Variants in SGCZ observed in about 807,000 individuals in gnomAD.
SGCZ encodes zeta-sarcoglycan.
In SGCZ, 40 loss-of-function variants were observed where a neutral mutation model predicts 41.3. That is an observed-to-expected ratio of 0.97 (90% CI 0.75 to 1.26). The LOEUF (loss-of-function observed/expected upper bound fraction) is 1.26. SGCZ is among the 50% of genes most tolerant of loss of function. The pLI, the probability that SGCZ is intolerant of heterozygous loss-of-function variation, is 0.00. For synonymous variants in SGCZ, 206 were observed against 137.5 expected (o/e 1.50, Z -3.49); for missense variants, 552 against 369.8 (o/e 1.49, Z -4.04).
At chr8:15,189,196 G>A (rs1800448736) in intron 1 of SGCZ, among the ~76,000 whole-genome samples, 1 of 152,086 alleles carries the variant, frequency 6.6e-6, no homozygotes, top group South Asian at 2.1e-4. Flanking sequence ...GGATGTTCCA[G>A]GTCACATTTT....
At chr8:15,077,581 T>G (rs1805583857) in intron 1 of SGCZ, among the ~76,000 whole-genome samples, 1 of 152,214 alleles carries the variant, frequency 6.6e-6, no homozygotes, top group African/African-American at 2.4e-5. Context: ...TCATTTCCAT[T>G]ATAACTTTAA....
chr8:14,993,940 G>A (rs1164467113), intron 1 of SGCZ, among the ~76,000 whole-genome samples: 1 of 152,174 alleles, frequency 6.6e-6, no homozygotes, highest in East Asian at 1.9e-4. Context: ...GCTGTGCTGG[G>A]GCCAGACTGT....
chr8:14,570,205 T>C (rs904600712), intron 1 of SGCZ, among the ~76,000 whole-genome samples: 4 of 152,146 alleles, frequency 2.6e-5, no homozygotes, highest in Admixed American at 2.0e-4. Context: ...TCAATAATAC[T>C]TACTGAATAA....
intron 1 of SGCZ, among the ~76,000 whole-genome samples, chr8:14,792,553 T>A (rs190836573): frequency 6.6e-6 from 1 of 152,032 alleles, no homozygotes; most frequent in Non-Finnish European, 1.5e-5. Context: ...TTAGCATCTT[T>A]CTTTTTTTAT....
chr8:14,370,995 A>G (rs551540664), intron 2 of SGCZ, among the ~76,000 whole-genome samples: 6 of 152,158 alleles, frequency 3.9e-5, no homozygotes, highest in African/African-American at 1.4e-4. Context: ...TTATAAATGA[A>G]ACACACAAAT....
intron 1 of SGCZ, among the ~76,000 whole-genome samples, chr8:14,956,280 C>T (rs1053409456): frequency 6.6e-5 from 10 of 151,894 alleles, no homozygotes; most frequent in South Asian, 2.1e-4. Flanking sequence ...CCTCGTGATC[C>T]GCCTGCTTCA....
intron 1 of SGCZ, among the ~76,000 whole-genome samples, chr8:14,836,162 T>A (rs566008230): frequency 1.5e-4 from 22 of 151,650 alleles, no homozygotes; most frequent in Non-Finnish European, 2.4e-4. Context: ...CTGACAGACC[T>A]TTTAATCTCA....
intron 2 of SGCZ, among the ~76,000 whole-genome samples, chr8:14,542,093 CTGA>C (rs1315637078): frequency 6.6e-6 from 1 of 152,060 alleles, no homozygotes. Context: ...CCTGTTCACT[CTGA>C]TGATATTTTC....
chr8:14,551,590 A>T (rs867470166), intron 2 of SGCZ, among the ~76,000 whole-genome samples: 6 of 32,902 alleles, frequency 1.8e-4, no homozygotes, highest in African/African-American at 1.8e-4. Context: ...AATATATATA[A>T]TATATATTAT....
chr8:14,204,959 G>T (rs1303294474), intron 4 of SGCZ, among the ~76,000 whole-genome samples: 1 of 151,900 alleles, frequency 6.6e-6, no homozygotes, highest in Admixed American at 6.6e-5. Flanking sequence ...TCCCATAATG[G>T]GACTTCTCAG....
At chr8:14,235,536 A>G (rs1806724548) in intron 4 of SGCZ, among the ~76,000 whole-genome samples, 1 of 152,178 alleles carries the variant, frequency 6.6e-6, no homozygotes, top group Admixed American at 6.5e-5. Flanking sequence ...ATACTAGCAC[A>G]CTAAATTCTT....
chr8:14,104,579 A>AAAAGG (rs1266531898), intron 6 of SGCZ, among the ~76,000 whole-genome samples: 2 of 152,084 alleles, frequency 1.3e-5, no homozygotes, highest in Non-Finnish European at 2.9e-5. Context: ...AAAGAGAGGG[A>AAAAGG]AAAGGAAAGG....
At chr8:15,025,454 T>A (rs1247540240) in intron 1 of SGCZ, among the ~76,000 whole-genome samples, 1 of 152,210 alleles carries the variant, frequency 6.6e-6, no homozygotes, top group African/African-American at 2.4e-5. Flanking sequence ...CTCAGGCAGA[T>A]TTTTCTTTTG....
At chr8:15,153,381 A>G (rs1343765361) in intron 1 of SGCZ, among the ~76,000 whole-genome samples, 1 of 152,216 alleles carries the variant, frequency 6.6e-6, no homozygotes, top group East Asian at 1.9e-4. Flanking sequence ...CCAGGTTATT[A>G]TACAACTAAC....
chr8:14,326,111 C>CAAAAAAAAAAAAAAAAAAA lies in SGCZ; in HGVS notation c.235-1926_235-1908dup, dbSNP rs56152915. Among the ~76,000 whole-genome samples the CAAAAAAAAAAAAAAAAAAA allele has an allele frequency of 8.7e-3, 330 of 37,888 alleles. 112 individuals carry two copies. The highest frequency in any genetic ancestry group is 0.022 in the Admixed American group (40 of 1,786). 24.9% of individuals were successfully genotyped at this position (37,888 alleles called of 152,430 possible). On this transcript the variant is annotated intron_variant, in intron 2 of 7. Transcript: ENST00000382080. Reference sequence around the variant, plus strand: ...TGGGCGAAAGAGTGAGACTCCGTCTCAAAAAAAAAAAAAAAAAAAGATGAG... The same window carrying CAAAAAAAAAAAAAAAAAAA: ...TGGGCGAAAGAGTGAGACTCCGTCTCAAAAAAAAAAAAAAAAAAAAAAAAAAAAAAAAAAAAAAGATGAG...
intron 1 of SGCZ, among the ~76,000 whole-genome samples, chr8:15,045,570 G>A (rs1325104643): frequency 6.6e-6 from 1 of 152,026 alleles, no homozygotes; most frequent in Non-Finnish European, 1.5e-5. Flanking sequence ...GTAGTTCCAA[G>A]ATTTCATGTT....
intron 1 of SGCZ, among the ~76,000 whole-genome samples, chr8:15,020,476 TG>T (rs1232948546): frequency 6.6e-6 from 1 of 152,104 alleles, no homozygotes; most frequent in African/African-American, 2.4e-5. Flanking sequence ...TATGAGGAGA[TG>T]TTCTTATGCA....
rs116304463 is a variant in SGCZ at position 14,635,361 on chromosome 8, G to C, written c.40-80435C>G. On this transcript the variant is annotated intron_variant, in intron 1 of 7. Coordinates refer to ENST00000382080, the MANE Select transcript of SGCZ (RefSeq NM_139167.4). The stretch of plus-strand genomic sequence containing the variant: ...TATATCCAACTATATTCTCATTTTA[G>C]CAATGATCTCACTTAATCTATTATT... 8.8e-3 allele frequency among the ~76,000 whole-genome samples: 1,342 copies of C among 151,778 alleles called. 19 individuals carry two copies. Among genetic ancestry groups the C allele is most frequent in the African/African-American group, 0.031 (1,273 of 41,430 alleles).
intron 2 of SGCZ, among the ~76,000 whole-genome samples, chr8:14,530,008 G>C (rs1803077359): frequency 6.6e-6 from 1 of 151,926 alleles, no homozygotes; most frequent in African/African-American, 2.4e-5. Flanking sequence ...ACTGACTTTA[G>C]GCTTTTAACA....
Sources: gnomAD v4.1 joint callset for allele counts (sites outside exome capture counted in the v4.1 genomes callset) on GRCh38, gnomAD v4.1.1 for gene constraint, MANE v1.5 for transcripts, NCBI Gene and HGNC (gene_info 2026-07-23, HGNC 2026-07-21) for gene names.